Variants in PIK3C2G observed in about 807,000 individuals in gnomAD.
PIK3C2G encodes the protein phosphatidylinositol-4-phosphate 3-kinase catalytic subunit type 2 gamma.
A neutral mutation model predicts 181.1 loss-of-function variants in PIK3C2G; 168 were observed. The observed-to-expected ratio is 0.93, with a 90% CI of 0.82 to 1.05. The LOEUF is 1.05. PIK3C2G is among the 50% of genes least tolerant of loss of function. The pLI is 0.00. For missense variants in PIK3C2G, 1,869 were observed against 1,732.8 expected (o/e 1.08, Z -1.40); for synonymous variants, 573 against 592.2 (o/e 0.97, Z 0.47).
chr12:18,477,987 T>C (rs776458187), intron 18 of PIK3C2G, among the ~76,000 whole-genome samples: 1 of 152,206 alleles, frequency 6.6e-6, no homozygotes, highest in South Asian at 2.1e-4. Flanking sequence ...TTATTATTAG[T>C]TTGCTATTCT....
At chr12:18,661,468 A>C in the PIK3C2G span, among the ~76,000 whole-genome samples, 460 of 152,270 alleles carry the variant, frequency 3.0e-3, 3 homozygotes, top group African/African-American at 0.01. Context: ...AAGTGCTAAA[A>C]GAAAAACAAC....
At chr12:18,676,811 G>T in the PIK3C2G span, among the ~76,000 whole-genome samples, 2 of 152,084 alleles carry the variant, frequency 1.3e-5, no homozygotes, top group Non-Finnish European at 2.9e-5. Context: ...GAAAGATTAT[G>T]CTAGGAAGAG....
rs1341038221 is a variant in PIK3C2G, at chr12:18,282,135, G to T, written c.54G>T (p.Gln18His). The T allele has an allele frequency of 6.2e-7, 1 of 1,609,036 alleles. No individual in the cohort carries two copies. Among genetic ancestry groups the T allele is most frequent in the Non-Finnish European group, 8.5e-7 (1 of 1,177,102 alleles). The change falls in exon 2 of 33, where the codon CAG becomes CAT. Residue 18 changes from glutamine to histidine, a missense_variant. Transcript: ENST00000538779. ...DPNPNESHEK[Q>H]YEHQEFLFVN... ...ATCCTAATGAATCACACGAAAAGCA[G>T]TATGAACACCAAGAATTTCTCTTTG...
rs545613221 is a variant in PIK3C2G, at chr12:18,350,386, A to C, written c.1625+3550A>C. Among the ~76,000 whole-genome samples, 9 of 152,312 alleles carry C rather than the reference A, an allele frequency of 5.9e-5. No individual in the cohort carries two copies. The South Asian group carries it at 1.9e-3, about 32-fold the overall frequency. The stretch of plus-strand genomic sequence containing the variant: ...CAAAAATAATTATGCAAAAATGCAT[A>C]ATATGTACAGTAATACATATTATGT... On this transcript the variant is annotated intron_variant, in intron 11 of 32. Transcript: ENST00000538779.
chr12:18,529,640 A>C lies in PIK3C2G; in HGVS notation c.3324-8516A>C, dbSNP rs563459075. ...GTACGTATGTATTTGTTTAAAGAATAATTCAATAAATAAAAGGCTGATAAC... is the reference window on the plus strand; with the variant it reads ...GTACGTATGTATTTGTTTAAAGAATCATTCAATAAATAAAAGGCTGATAAC... On this transcript the variant is annotated intron_variant, in intron 24 of 32. Coordinates refer to ENST00000538779, the MANE Select transcript of PIK3C2G (RefSeq NM_001288772.2). Among the ~76,000 whole-genome samples, 48 of 152,346 alleles carry C rather than the reference A, an allele frequency of 3.2e-4. No individual in the cohort carries two copies. In the South Asian group the frequency reaches 9.9e-3, roughly 32 times the overall value.
rs140999956 is a variant in PIK3C2G at position 18,554,535 on chromosome 12, G to A, written c.3590+8103G>A. ...ATCATCATGTGCTTTTTCCATGTGTGCAATTTTGAATTTTTAAGAATAAAA... is the reference window on the plus strand; with the variant it reads ...ATCATCATGTGCTTTTTCCATGTGTACAATTTTGAATTTTTAAGAATAAAA... On this transcript the variant is annotated intron_variant, in intron 26 of 32. Transcript: ENST00000538779. Among the ~76,000 whole-genome samples the A allele has an allele frequency of 3.5e-3, 529 of 152,042 alleles. 1 individual carries two copies. Among genetic ancestry groups the A allele is most frequent in the African/African-American group, 0.012 (510 of 41,512 alleles).
chr12:18,615,330 G>GGTGTGTGTGTGTGTGT (rs3055216), intron 31 of PIK3C2G, among the ~76,000 whole-genome samples: 32 of 138,138 alleles, frequency 2.3e-4, no homozygotes, highest in African/African-American at 8.9e-4. Context: ...AGTATTCCAC[G>GGTGTGTGTGTGTGTGT]GTGTGTGTGT....
Position 18,505,466 on chromosome 12 carries a change from G to C in PIK3C2G, c.3323+5G>C. The C allele has an allele frequency of 6.2e-7, 1 of 1,605,612 alleles. No homozygotes were observed. The highest frequency in any genetic ancestry group is 8.5e-7 in the Non-Finnish European group (1 of 1,174,350). ...AACATTTGGAGGGATAAAAAGGTCA[G>C]TGCACAAATGTTTATTACAGTAATT... On this transcript the variant is annotated splice_donor_5th_base_variant and intron_variant, in intron 24 of 32. Coordinates refer to ENST00000538779, the MANE Select transcript of PIK3C2G (RefSeq NM_001288772.2).
chr12:18,708,963 C>T, the PIK3C2G span, among the ~76,000 whole-genome samples: 1 of 151,840 alleles, frequency 6.6e-6, no homozygotes, highest in African/African-American at 2.4e-5. Context: ...CATAGGCTGC[C>T]CTTTGATTTT....
intron 12 of PIK3C2G, among the ~76,000 whole-genome samples, chr12:18,366,043 G>T (rs994140839): frequency 1.2e-4 from 19 of 152,098 alleles, no homozygotes; most frequent in East Asian, 1.9e-4. Flanking sequence ...CTTTATAATG[G>T]TCTCCCTACT....
the PIK3C2G span, among the ~76,000 whole-genome samples, chr12:18,654,658 T>C: frequency 1.3e-5 from 2 of 152,174 alleles, no homozygotes; most frequent in Non-Finnish European, 1.5e-5. Flanking sequence ...AGAGGACTTA[T>C]TAAAGGGAAA....
At chr12:18,650,293 TTCTCTCTC>T (rs140285960), downstream of PIK3C2G, among the ~76,000 whole-genome samples, 13,990 of 87,200 alleles carry the variant, frequency 0.16, 1,536 homozygotes, top group South Asian at 0.29. Context: ...TAACCCAAAT[TTCTCTCTC>T]TCTCTCTCTC....
chr12:18,535,546 G>A (rs1943804614), intron 24 of PIK3C2G, among the ~76,000 whole-genome samples: 2 of 152,004 alleles, frequency 1.3e-5, no homozygotes. Flanking sequence ...AACCTCCCAA[G>A]AGAAATTAAT....
At chr12:18,574,098 G>T (rs1474350897) in intron 29 of PIK3C2G, among the ~76,000 whole-genome samples, 1 of 152,114 alleles carries the variant, frequency 6.6e-6, no homozygotes, top group Non-Finnish European at 1.5e-5. Flanking sequence ...TCATCATCCT[G>T]TATGAAGGAC....
intron 29 of PIK3C2G, among the ~76,000 whole-genome samples, chr12:18,594,126 A>G (rs1947228339): frequency 6.6e-6 from 1 of 151,914 alleles, no homozygotes; most frequent in Non-Finnish European, 1.5e-5. Context: ...TCCCACTCAC[A>G]GTAATTTTTC....
At chr12:18,525,236 C>CA (rs1469451156) in intron 24 of PIK3C2G, among the ~76,000 whole-genome samples, 2 of 151,764 alleles carry the variant, frequency 1.3e-5, no homozygotes, top group East Asian at 2.0e-4. Context: ...ACTAAAAATA[C>CA]AAAAAATTAG....
chr12:18,674,290 T>G, the PIK3C2G span, among the ~76,000 whole-genome samples: 1 of 152,196 alleles, frequency 6.6e-6, no homozygotes, highest in South Asian at 2.1e-4. Flanking sequence ...ATTTCTCTCA[T>G]TTCCTGAATT....
At chr12:18,597,105 T>G (rs1169194075) in intron 30 of PIK3C2G, among the ~76,000 whole-genome samples, 1 of 151,574 alleles carries the variant, frequency 6.6e-6, no homozygotes, top group East Asian at 1.9e-4. Flanking sequence ...CTCTAACATC[T>G]GAGTGTGAAG....
intron 1 of PIK3C2G, among the ~76,000 whole-genome samples, chr12:18,269,912 C>CTTTTTTTTTTTTTTTTTT (rs367550750): frequency 1.5e-5 from 2 of 136,930 alleles, no homozygotes; most frequent in Non-Finnish European, 1.6e-5. Flanking sequence ...TTTTTCTTTT[C>CTTTTTTTTTTTTTTTTTT]TTTTTTTTTT....
Sources: allele counts gnomAD v4.1 joint callset (sites outside exome capture counted in the v4.1 genomes callset), GRCh38; gene constraint gnomAD v4.1.1; transcripts MANE v1.5; gene names NCBI Gene and HGNC (gene_info 2026-07-23, HGNC 2026-07-21).